NLGN4X: variants seen among roughly 807,000 people sequenced by gnomAD.
NLGN4X encodes the protein neuroligin 4 X-linked.
Under a neutral mutation model 40.3 loss-of-function variants are expected in NLGN4X, and 3 were observed. The ratio of observed to expected loss-of-function variants is 0.07; its 90% CI spans 0.03 to 0.19. The LOEUF (loss-of-function observed/expected upper bound fraction) is 0.19, where lower values mean the gene tolerates loss of function less well. Among genes scored for constraint, NLGN4X ranks in the 10% least tolerant of loss-of-function variants. The pLI is 1.00. For synonymous variants in NLGN4X, 270 were observed against 306.8 expected (o/e 0.88, Z 1.25); for missense variants, 382 against 708.3 (o/e 0.54, Z 5.23).
chrX:6,214,736 G>A (rs889955492), intron 1 of NLGN4X, among the ~76,000 whole-genome samples: 3 of 111,187 alleles, frequency 2.7e-5, no homozygotes, highest in African/African-American at 9.8e-5. Flanking sequence ...CTCTTAAAAA[G>A]AAAAATATGT....
At chrX:6,023,885 G>A (rs755557795) in intron 3 of NLGN4X, among the ~76,000 whole-genome samples, 1 of 111,705 alleles carries the variant, frequency 9.0e-6, no homozygotes, top group South Asian at 3.8e-4. Context: ...TGCACTTGGA[G>A]ACAACTGGAA....
intron 2 of NLGN4X, among the ~76,000 whole-genome samples, chrX:6,116,391 C>CTCTTTTTT (rs2039296391): frequency 4.5e-5 from 1 of 22,279 alleles, no homozygotes; most frequent in African/African-American, 1.9e-4. Context: ...ACCTTTCTTT[C>CTCTTTTTT]TTTTTTTTTT....
chrX:5,919,181 T>G (rs1334028943), intron 3 of NLGN4X, among the ~76,000 whole-genome samples: 1 of 111,972 alleles, frequency 8.9e-6, no homozygotes, highest in African/African-American at 3.2e-5. Flanking sequence ...ACTTCAGAAC[T>G]TTTATCTCAC....
intron 3 of NLGN4X, among the ~76,000 whole-genome samples, chrX:6,022,053 TTTTG>T (rs1329914958): frequency 8.9e-6 from 1 of 112,534 alleles, no homozygotes; most frequent in Admixed American, 9.4e-5. Context: ...ACGTCTCTAC[TTTTG>T]TTTATGTATT....
intron 3 of NLGN4X, among the ~76,000 whole-genome samples, chrX:5,942,604 G>A (rs111283994): frequency 1.6e-3 from 174 of 109,584 alleles, no homozygotes; most frequent in African/African-American, 5.3e-3. Context: ...GCATTGGGCC[G>A]AGATCATGCC....
At chrX:5,925,371 T>C (rs1354362370) in intron 3 of NLGN4X, among the ~76,000 whole-genome samples, 1 of 112,019 alleles carries the variant, frequency 8.9e-6, no homozygotes, top group Non-Finnish European at 1.9e-5. Flanking sequence ...CTCTTTTCCA[T>C]AATACAATTC....
chrX:6,058,905 C>T (rs1042214117), intron 2 of NLGN4X, among the ~76,000 whole-genome samples: 2 of 111,725 alleles, frequency 1.8e-5, no homozygotes, highest in African/African-American at 6.5e-5. Flanking sequence ...AATAATGAAT[C>T]ATTCATGATT....
chrX:6,199,064 A>T (rs1019595198), intron 1 of NLGN4X, among the ~76,000 whole-genome samples: 10 of 111,855 alleles, frequency 8.9e-5, no homozygotes, highest in African/African-American at 3.2e-4. Flanking sequence ...TTTCTTGATT[A>T]ACTACAACAA....
chrX:6,023,011 G>A (rs754554628), intron 3 of NLGN4X, among the ~76,000 whole-genome samples: 17 of 112,051 alleles, frequency 1.5e-4, no homozygotes, highest in Non-Finnish European at 3.0e-4. Context: ...TAAAGAGAAA[G>A]ACAACTTCAG....
At chrX:5,980,087 TATATG>T (rs1296498741) in intron 3 of NLGN4X, among the ~76,000 whole-genome samples, 26 of 106,629 alleles carry the variant, frequency 2.4e-4, no homozygotes, top group Middle Eastern at 0.012. Flanking sequence ...GTATGGTAAA[TATATG>T]ATATATTTTA....
At chrX:6,048,082 C>A (rs1424167948) in intron 2 of NLGN4X, among the ~76,000 whole-genome samples, 3 of 111,548 alleles carry the variant, frequency 2.7e-5, no homozygotes, top group African/African-American at 9.8e-5. Context: ...TGCCATTGCT[C>A]TCAAGCCCTC....
chrX:6,090,304 T>C (rs897625834), intron 2 of NLGN4X, among the ~76,000 whole-genome samples: 1 of 111,213 alleles, frequency 9.0e-6, no homozygotes, highest in African/African-American at 3.3e-5. Context: ...TATTTTCATC[T>C]TAAGAATGTC....
intron 3 of NLGN4X, among the ~76,000 whole-genome samples, chrX:5,958,367 CTG>C (rs1160851623): frequency 1.8e-5 from 2 of 111,319 alleles, no homozygotes; most frequent in Non-Finnish European, 3.8e-5. Flanking sequence ...TAAGTGGAGA[CTG>C]AGGAAGAAAA....
rs1038787347 is a variant in NLGN4X, at chrX:5,891,066, A to G, written c.*1751T>C. ...TTGGCTACTGTTTCTTGGTAATGCA[A>G]TAATTTTTCAAAAAAGTATCCATTG... On this transcript the variant is annotated 3_prime_UTR_variant, in exon 6 of 6. Transcript: ENST00000381095. 6.8e-6 allele frequency: 2 copies of G among 295,119 alleles called. No homozygotes were observed. Among genetic ancestry groups the G allele is most frequent in the Non-Finnish European group, 1.3e-5 (2 of 157,427 alleles). The allele number at this position is 295,119 out of a possible 1,213,427, so 24.3% of individuals were successfully genotyped here. A position where few individuals can be genotyped will look rare whatever the true frequency, so the allele number is the denominator to read the frequency against.
At chrX:5,929,799 T>A in intron 3 of NLGN4X, among the ~76,000 whole-genome samples, 1 of 112,772 alleles carries the variant, frequency 8.9e-6, no homozygotes, top group East Asian at 2.8e-4. Flanking sequence ...GGAGCCTTCA[T>A]AAGGCAATGA....
At position 6,042,080 on chromosome X, in the gene NLGN4X, TA is replaced by T. The variant is rs750903728; in HGVS notation, c.473-12649del. Among the ~76,000 whole-genome samples the T allele has an allele frequency of 4.9e-3, 556 of 112,390 alleles. 5 individuals are homozygous for T. The highest frequency in any genetic ancestry group is 0.017 in the African/African-American group (534 of 30,955). ...GGATGAAATGCTTTTGTGATGCCAGTAAAAGCAAGGTCTAATTCTAATTTTC... is the reference window on the plus strand; with the variant it reads ...GGATGAAATGCTTTTGTGATGCCAGTAAAGCAAGGTCTAATTCTAATTTTC... On this transcript the variant is annotated intron_variant, in intron 2 of 5. Coordinates refer to ENST00000381095, the MANE Select transcript of NLGN4X (RefSeq NM_181332.3).
intron 3 of NLGN4X, among the ~76,000 whole-genome samples, chrX:5,928,356 T>C (rs368446282): frequency 8.9e-6 from 1 of 111,895 alleles, no homozygotes; most frequent in Non-Finnish European, 1.9e-5. Flanking sequence ...TATTCTTTCA[T>C]TACATGGACA....
chrX:6,081,051 G>A (rs1429717774), intron 2 of NLGN4X, among the ~76,000 whole-genome samples: 1 of 110,322 alleles, frequency 9.1e-6, no homozygotes, highest in Non-Finnish European at 1.9e-5. Context: ...CACTTTGGGA[G>A]GCCAAGGCAG....
At chrX:6,154,278 G>A (rs2040218839) in intron 1 of NLGN4X, among the ~76,000 whole-genome samples, 2 of 112,317 alleles carry the variant, frequency 1.8e-5, no homozygotes, top group South Asian at 7.3e-4. Flanking sequence ...TATAGTGGCT[G>A]TGTAAATGAT....
Sources: gnomAD v4.1 joint callset for allele counts (sites outside exome capture counted in the v4.1 genomes callset) on GRCh38, gnomAD v4.1.1 for gene constraint, MANE v1.5 for transcripts, NCBI Gene and HGNC (gene_info 2026-07-23, HGNC 2026-07-21) for gene names.